The following SEC61B variants were observed in gnomAD, a reference collection of about 807,000 sequenced individuals.
The protein encoded by SEC61B is SEC61 translocon subunit beta.
Under a neutral mutation model 12.6 loss-of-function variants are expected in SEC61B, and 7 were observed. The ratio of observed to expected loss-of-function variants is 0.55; its 90% CI spans 0.32 to 1.04. SEC61B has a LOEUF of 1.04. Among genes scored for constraint, SEC61B ranks in the 50% least tolerant of loss-of-function variants. The pLI is 0.05. For missense variants in SEC61B, 107 were observed against 130.1 expected, an observed-to-expected ratio of 0.82 and a Z score of 0.86; for synonymous variants, 54 against 50.1, an observed-to-expected ratio of 1.08 and a Z score of -0.33.
chr9:99,223,565 T>G (rs1210100780), intron 2 of SEC61B, among the ~76,000 whole-genome samples: 1 of 152,138 alleles, frequency 6.6e-6, no homozygotes, highest in East Asian at 1.9e-4. Context: ...AGCTAATTTT[T>G]TGTATTTTTA....
In SEC61B at chr9:99,228,133, C is replaced by T. The variant is rs143770345; in HGVS notation, c.203+133C>T. On this transcript the variant is annotated intron_variant, in intron 3 of 3. Transcript: ENST00000223641. ...ACACAACAGCCTCATTTGTGCCAGG[C>T]GGACTGGGTTTGGTTTGCCTGTTTA... 10,151 of 649,496 alleles carry T rather than the reference C, an allele frequency of 0.016. 119 individuals are homozygous for T. The highest frequency in any genetic ancestry group is 0.032 in the South Asian group (1,261 of 39,548). The allele number at this position is 649,496 out of a possible 1,614,324, so 40.2% of individuals were successfully genotyped here. A position where few individuals can be genotyped will look rare whatever the true frequency, so the allele number is the denominator to read the frequency against.
chr9:99,228,866 A>G, intron 3 of SEC61B, among the ~76,000 whole-genome samples: 1 of 152,218 alleles, frequency 6.6e-6, no homozygotes, highest in African/African-American at 2.4e-5. Context: ...GACATGCTCA[A>G]AGACACACAA....
At chr9:99,222,859 T>C in intron 2 of SEC61B, 2 of 474,132 alleles carry the variant, frequency 4.2e-6, no homozygotes, top group Non-Finnish European at 7.4e-6. Context: ...AAAGGAAAGT[T>C]AACAAACTGG....
At chr9:99,229,870 C>T (rs1307871305) in intron 3 of SEC61B, among the ~76,000 whole-genome samples, 1 of 152,014 alleles carries the variant, frequency 6.6e-6, no homozygotes, top group Non-Finnish European at 1.5e-5. Flanking sequence ...TTACAATATA[C>T]AATTAAATTA....
intron 2 of SEC61B, among the ~76,000 whole-genome samples, chr9:99,227,265 C>CAAAAAAAAAAAAA (rs59719935): frequency 9.3e-5 from 1 of 10,740 alleles, no homozygotes; most frequent in Non-Finnish European, 2.0e-4. Context: ...AACTCCATCT[C>CAAAAAAAAAAAAA]AAAAAAAAAA....
chr9:99,222,545 G>C lies in SEC61B; in HGVS notation c.4-1G>C. 1 of 1,590,250 alleles carries C rather than the reference G, an allele frequency of 6.3e-7. No homozygotes were observed. Among genetic ancestry groups the C allele is most frequent in the Non-Finnish European group, 8.6e-7 (1 of 1,168,240 alleles). ...GTCTGTCTGCTTGTCTCCCTCTACA[G>C]CCTGGTCCGACCCCCAGTGGCACTA... On this transcript the variant is annotated splice_acceptor_variant, in intron 1 of 3. Coordinates refer to ENST00000223641, the MANE Select transcript of SEC61B (RefSeq NM_006808.3). LOFTEE classifies it high-confidence loss of function.
At chr9:99,226,752 T>C (rs1828901443) in intron 2 of SEC61B, among the ~76,000 whole-genome samples, 1 of 152,116 alleles carries the variant, frequency 6.6e-6, no homozygotes, top group South Asian at 2.1e-4. Flanking sequence ...TGAGGGCTTC[T>C]CCCAAAGAGG....
chr9:99,222,706 T>A, intron 2 of SEC61B, 63 bp downstream of exon 2: 1 of 1,162,442 alleles, frequency 8.6e-7, no homozygotes, highest in Non-Finnish European at 1.2e-6. Flanking sequence ...CCTCGCTGAT[T>A]CTGGGGTGGA....
intron 2 of SEC61B, among the ~76,000 whole-genome samples, chr9:99,224,596 C>CT (rs1318142290): frequency 6.6e-6 from 1 of 152,116 alleles, no homozygotes; most frequent in Non-Finnish European, 1.5e-5. Context: ...AAATGGAGAA[C>CT]TGAAACATTT....
In SEC61B at chr9:99,227,999, G is replaced by A. The variant is rs1828918861; in HGVS notation, c.202G>A (p.Val68Ile). ...FYTEDSPGLK[V>I]GPVPVLVMSL... ...CACAGAAGATTCACCTGGGCTCAAA[G>A]TGTAAGTCTTAGGAACAGTCCTTGT... The change falls in exon 3 of 4, where the codon GTT becomes ATT. Residue 68 changes from valine to isoleucine, a missense_variant and splice_region_variant. Coordinates refer to ENST00000223641, the MANE Select transcript of SEC61B (RefSeq NM_006808.3). 2 of 1,612,248 alleles carry A rather than the reference G, an allele frequency of 1.2e-6. No homozygotes were observed. The highest frequency in any genetic ancestry group is 2.7e-5 in the African/African-American group (2 of 74,880).
chr9:99,227,288 A>AC (rs1328915575), intron 2 of SEC61B, among the ~76,000 whole-genome samples: 6 of 151,482 alleles, frequency 4.0e-5, no homozygotes, highest in South Asian at 2.1e-4. Flanking sequence ...AAAAAAAAAA[A>AC]AAACAAACTA....
chr9:99,228,178 A>G (rs960212290), intron 3 of SEC61B, among the ~76,000 whole-genome samples, 178 bp downstream of exon 3: 4 of 152,180 alleles, frequency 2.6e-5, no homozygotes, highest in Admixed American at 1.3e-4. Flanking sequence ...TAGGCATTGT[A>G]GGGCCGGGAA....
intron 2 of SEC61B, among the ~76,000 whole-genome samples, chr9:99,224,011 C>G (rs1564226676): frequency 6.6e-6 from 1 of 152,120 alleles, no homozygotes. Context: ...AGGCATGACA[C>G]AATAAATAAT....
rs113789599 is a variant in SEC61B at position 99,230,421 on chromosome 9, G to T, written c.288G>T (p.Ser96=). 11 of 1,595,220 alleles carry T rather than the reference G, an allele frequency of 6.9e-6. No homozygotes were observed. In the Admixed American group the frequency reaches 1.7e-4, roughly 24 times the overall value. The change falls in exon 4 of 4, where the codon TCG becomes TCT. Residue 96 remains serine, a synonymous_variant. Coordinates refer to ENST00000223641, the MANE Select transcript of SEC61B (RefSeq NM_006808.3). ...ACATTTGGGGCAAGTACACTCGTTC[G>T]TAGATTCAGTTACATCCATCTGTCA... The part of the protein sequence containing the change: ...MLHIWGKYTR[S]
At chr9:99,223,330 AAC>A in intron 2 of SEC61B, 1 of 146,470 alleles carries the variant, frequency 6.8e-6, no homozygotes, top group East Asian at 2.5e-4. Context: ...AAAACAAACA[AAC>A]AAAAAAAAAA....
chr9:99,229,132 C>T (rs577542755), intron 3 of SEC61B, among the ~76,000 whole-genome samples: 2 of 151,932 alleles, frequency 1.3e-5, no homozygotes, highest in African/African-American at 4.8e-5. Flanking sequence ...TTTACAAAGT[C>T]ACAAAAGGAT....
chr9:99,223,337 A>C (rs1232898980), intron 2 of SEC61B, among the ~76,000 whole-genome samples: 2 of 151,416 alleles, frequency 1.3e-5, no homozygotes, highest in African/African-American at 4.8e-5. Flanking sequence ...ACAAACAAAA[A>C]AAAAAAACCG....
Position 99,226,512 on chromosome 9 carries a change from A to G in SEC61B, c.102-1387A>G, listed in dbSNP as rs143555785. Among the ~76,000 whole-genome samples, 213 of 152,316 alleles carry G rather than the reference A, an allele frequency of 1.4e-3. 1 individual carries two copies. The highest frequency in any genetic ancestry group is 1.8e-3 in the Non-Finnish European group (121 of 68,014). ...GGAATGAGATTTTGAGGGAGGGTAT[A>G]CTGGGATTTGATGCTGAATGGTGCA... is the stretch of plus-strand genomic sequence containing the variant. On this transcript the variant is annotated intron_variant, in intron 2 of 3. Coordinates refer to ENST00000223641, the MANE Select transcript of SEC61B (RefSeq NM_006808.3).
chr9:99,229,012 A>G (rs1010210671), intron 3 of SEC61B, among the ~76,000 whole-genome samples: 3 of 152,208 alleles, frequency 2.0e-5, no homozygotes, highest in Non-Finnish European at 4.4e-5. Context: ...ACTTTAGTTT[A>G]CAAAGTCACA....
Sources: allele counts gnomAD v4.1 joint callset (sites outside exome capture counted in the v4.1 genomes callset), GRCh38; gene constraint gnomAD v4.1.1; transcripts MANE v1.5; gene names NCBI Gene and HGNC (gene_info 2026-07-23, HGNC 2026-07-21).